The following TRPS1 variants were observed in gnomAD, a reference collection of about 807,000 sequenced individuals.
The protein encoded by TRPS1 is transcriptional repressor GATA binding 1, also known as zinc finger transcription factor Trps1.
In TRPS1, 6 loss-of-function variants were observed where a neutral mutation model predicts 101.2. The observed-to-expected ratio is 0.06, with a 90% CI of 0.03 to 0.12. The LOEUF (loss-of-function observed/expected upper bound fraction) is 0.12. Ranked by LOEUF, TRPS1 falls within the 10% of genes least tolerant of loss-of-function variation. The pLI is 1.00. For missense variants in TRPS1, 1,363 were observed against 1,567.0 expected (o/e 0.87, Z 2.20); for synonymous variants, 578 against 589.8 (o/e 0.98, Z 0.29).
intron 1 of TRPS1, among the ~76,000 whole-genome samples, chr8:115,636,172 T>C (rs1818762806): frequency 6.6e-6 from 1 of 152,006 alleles, no homozygotes; most frequent in South Asian, 2.1e-4. Context: ...AATGTATATG[T>C]ACATACATAT....
At chr8:115,503,934 T>C (rs745680077) in intron 5 of TRPS1, among the ~76,000 whole-genome samples, 14 of 152,222 alleles carry the variant, frequency 9.2e-5, no homozygotes, top group Non-Finnish European at 1.8e-4. Flanking sequence ...CTTATTATTA[T>C]AGACAATAAC....
intron 4 of TRPS1, among the ~76,000 whole-genome samples, chr8:115,589,436 C>A (rs1817635244): frequency 6.6e-6 from 1 of 152,168 alleles, no homozygotes. Flanking sequence ...GAAACAAAAT[C>A]TCAAGTATTT....
chr8:115,495,839 C>A lies in TRPS1; in HGVS notation c.2701-77387G>T, dbSNP rs577340471. Among the ~76,000 whole-genome samples the A allele has an allele frequency of 5.9e-5, 9 of 152,278 alleles. No homozygotes were observed. In the East Asian group the frequency reaches 1.7e-3, roughly 29 times the overall value. On this transcript the variant is annotated intron_variant, in intron 5 of 6. Coordinates refer to ENST00000395715, the MANE Select transcript of TRPS1 (RefSeq NM_014112.5). ...ATCATACTGTTCAAACAAAATTCTACTGTTCAAATGAAATTCTACACAATC... is the reference window on the plus strand; with the variant it reads ...ATCATACTGTTCAAACAAAATTCTAATGTTCAAATGAAATTCTACACAATC...
chr8:115,581,373 G>A (rs1817446625), intron 5 of TRPS1, among the ~76,000 whole-genome samples: 1 of 152,076 alleles, frequency 6.6e-6, no homozygotes, highest in Non-Finnish European at 1.5e-5. Flanking sequence ...CTTAACAGTA[G>A]TATGTAGTTT....
At chr8:115,549,019 G>A (rs772248272) in intron 5 of TRPS1, among the ~76,000 whole-genome samples, 2 of 152,158 alleles carry the variant, frequency 1.3e-5, no homozygotes, top group Non-Finnish European at 2.9e-5. Flanking sequence ...TAATAGTACC[G>A]TAAAAATTGG....
At chr8:115,529,645 T>C (rs953682818) in intron 5 of TRPS1, among the ~76,000 whole-genome samples, 13 of 152,134 alleles carry the variant, frequency 8.5e-5, no homozygotes, top group Admixed American at 6.6e-4. Flanking sequence ...TTCATATGCA[T>C]GAGACTGGAG....
intron 1 of TRPS1, among the ~76,000 whole-genome samples, chr8:115,645,680 C>T (rs1819009079): frequency 6.6e-6 from 1 of 152,022 alleles, no homozygotes; most frequent in South Asian, 2.1e-4. Context: ...TTTTTTAAAT[C>T]ATGTATTAAA....
intron 4 of TRPS1, 23 bp from the exon 5 acceptor site, chr8:115,587,627 C>T: frequency 6.2e-7 from 1 of 1,613,800 alleles, no homozygotes; most frequent in South Asian, 1.1e-5. Flanking sequence ...AAAACAGTTA[C>T]TGCAAAGACA....
chr8:115,573,646 G>A (rs1282858765), intron 5 of TRPS1, among the ~76,000 whole-genome samples: 1 of 152,020 alleles, frequency 6.6e-6, no homozygotes, highest in South Asian at 2.1e-4. Context: ...CCTATTAAAG[G>A]TTTCATCAAA....
chr8:115,437,730 G>T (rs570816787), intron 5 of TRPS1, among the ~76,000 whole-genome samples: 1 of 152,226 alleles, frequency 6.6e-6, no homozygotes, highest in South Asian at 2.1e-4. Flanking sequence ...ACCATTTCCA[G>T]TACTATGTCT....
intron 5 of TRPS1, among the ~76,000 whole-genome samples, chr8:115,527,899 A>G (rs1219805264): frequency 6.6e-6 from 1 of 152,124 alleles, no homozygotes. Flanking sequence ...GGTACCCCAA[A>G]TTAGAACCTT....
At chr8:115,512,367 C>A (rs1312045083) in intron 5 of TRPS1, among the ~76,000 whole-genome samples, 1 of 151,516 alleles carries the variant, frequency 6.6e-6, no homozygotes, top group Admixed American at 6.6e-5. Context: ...CAAAGCTTGG[C>A]CTTATTTCTT....
chr8:115,587,474 C>T lies in TRPS1; in HGVS notation c.2227G>A (p.Gly743Ser), dbSNP rs1817591223. The stretch of plus-strand genomic sequence containing the variant: ...TCTTTGATGGTGGATATGGCATGAC[C>T]GTCCTCTTCGCCGTTGGCTGTAGTG... Reference protein sequence around the residue: ...DITTANGEEDGHAISTIKEEP... With the variant: ...DITTANGEEDSHAISTIKEEP... The change falls in exon 5 of 7, where the codon GGT (glycine) becomes AGT (serine). Residue 743 changes from glycine (G) to serine (S), a missense_variant. Gly to Ser is a moderately conservative substitution (Grantham distance 56). Transcript: ENST00000395715. 2 of 1,614,082 alleles carry T rather than the reference C, an allele frequency of 1.2e-6. No homozygotes were observed. The highest frequency in any genetic ancestry group is 1.7e-5 in the Admixed American group (1 of 60,016).
At chr8:115,433,724 AT>A (rs543491026) in intron 5 of TRPS1, among the ~76,000 whole-genome samples, 132 of 152,298 alleles carry the variant, frequency 8.7e-4, no homozygotes, top group African/African-American at 3.1e-3. Context: ...TATGAAAGCC[AT>A]TGTTAATTTC....
At chr8:115,628,247 A>G (rs1818553237) in intron 1 of TRPS1, among the ~76,000 whole-genome samples, 1 of 151,882 alleles carries the variant, frequency 6.6e-6, no homozygotes, top group Admixed American at 6.6e-5. Flanking sequence ...CCAATGGACT[A>G]AGGACAACCA....
At chr8:115,421,164 T>C (rs1275642404) in intron 5 of TRPS1, among the ~76,000 whole-genome samples, 2 of 152,030 alleles carry the variant, frequency 1.3e-5, no homozygotes, top group African/African-American at 4.8e-5. Flanking sequence ...TTCTATTTTT[T>C]AGTAGAGATG....
chr8:115,494,472 A>G (rs1815101982), intron 5 of TRPS1, among the ~76,000 whole-genome samples: 1 of 152,226 alleles, frequency 6.6e-6, no homozygotes, highest in Non-Finnish European at 1.5e-5. Flanking sequence ...GAACGAAAGC[A>G]AATTGCTTAC....
chr8:115,472,106 T>TG (rs897692521), intron 5 of TRPS1, among the ~76,000 whole-genome samples: 8 of 152,136 alleles, frequency 5.3e-5, no homozygotes, highest in East Asian at 1.9e-4. Flanking sequence ...GAACTCTTTG[T>TG]GGGGGGGCTC....
intron 5 of TRPS1, chr8:115,511,050 T>C (rs1411878246): frequency 6.6e-6 from 1 of 151,944 alleles, no homozygotes; most frequent in Admixed American, 6.6e-5. Context: ...TCCTTTTAGG[T>C]CACTTCTTCC....
Sources: gnomAD v4.1 joint callset for allele counts (sites outside exome capture counted in the v4.1 genomes callset) on GRCh38, gnomAD v4.1.1 for gene constraint, MANE v1.5 for transcripts, NCBI Gene and HGNC (gene_info 2026-07-23, HGNC 2026-07-21) for gene names.